MAP4K3: variants seen among roughly 807,000 people sequenced by gnomAD.
MAP4K3 encodes the protein MAPK/ERK kinase kinase kinase 3.
MAP4K3 carries 94 observed loss-of-function variants against 143.5 expected under a neutral mutation model. The ratio of observed to expected loss-of-function variants is 0.65; its 90% CI spans 0.55 to 0.78. The LOEUF (loss-of-function observed/expected upper bound fraction) is 0.78, where lower values mean the gene tolerates loss of function less well. MAP4K3 is among the 30% of genes least tolerant of loss of function. MAP4K3 has a pLI of 0.00. For synonymous variants in MAP4K3, 416 were observed against 347.2 expected (o/e 1.20, Z -2.20); for missense variants, 1,077 against 1,068.1 (o/e 1.01, Z -0.12).
At chr2:39,267,312 G>A in intron 26 of MAP4K3, 65 bp from the exon 27 acceptor site, 1 of 1,231,580 alleles carries the variant, frequency 8.1e-7, no homozygotes, top group Non-Finnish European at 1.2e-6. Flanking sequence ...AAAAGCTACT[G>A]TTATAGATCA....
Position 39,288,106 on chromosome 2 carries a change from A to G in MAP4K3, c.1474+15T>C. On this transcript the variant is annotated intron_variant, in intron 20 of 33. Transcript: ENST00000263881. ...AAAACCTGGTAACATATTTGCTGTC[A>G]CCCTCCACCATTACCTAAGGCAACA... 6.2e-7 allele frequency: 1 copy of G among 1,613,230 alleles called. No individual in the cohort carries two copies. The highest frequency in any genetic ancestry group is 8.5e-7 in the Non-Finnish European group (1 of 1,179,602).
chr2:39,331,679 TAAGGTTTCTGAAAGCCATATCAATCATTA>T (rs1486639608), intron 8 of MAP4K3, among the ~76,000 whole-genome samples: 3 of 152,162 alleles, frequency 2.0e-5, no homozygotes, highest in East Asian at 3.9e-4. Context: ...GAACAAATAT[TAAGGTTTCTGAAAGCCATATCAATCATTA>T]AAGCCTTTTC....
chr2:39,324,733 C>T (rs1683431475), intron 12 of MAP4K3, among the ~76,000 whole-genome samples: 1 of 152,226 alleles, frequency 6.6e-6, no homozygotes, highest in Admixed American at 6.5e-5. Context: ...TAACAGAATT[C>T]TGCCATGTCA....
intron 1 of MAP4K3, among the ~76,000 whole-genome samples, chr2:39,418,407 C>T (rs1385107882): frequency 6.6e-6 from 1 of 152,104 alleles, no homozygotes; most frequent in East Asian, 1.9e-4. Context: ...AGGACAAAGA[C>T]ATAAATCCCT....
intron 1 of MAP4K3, among the ~76,000 whole-genome samples, chr2:39,379,491 C>T (rs910788804): frequency 6.6e-6 from 1 of 152,056 alleles, no homozygotes; most frequent in African/African-American, 2.4e-5. Flanking sequence ...ATACTAGTTC[C>T]TTTCTCTAGG....
intron 33 of MAP4K3, among the ~76,000 whole-genome samples, chr2:39,251,296 T>A (rs1297285463): frequency 1.3e-5 from 2 of 152,178 alleles, no homozygotes; most frequent in Non-Finnish European, 2.9e-5. Flanking sequence ...AAGGTTGGTT[T>A]TAGGACAACA....
intron 21 of MAP4K3, 40 bp downstream of exon 21, chr2:39,286,812 G>T (rs781500114): frequency 2.2e-6 from 3 of 1,339,560 alleles, no homozygotes; most frequent in South Asian, 1.5e-5. Flanking sequence ...AGTTAAAAAG[G>T]AAACAAATAC....
intron 24 of MAP4K3, among the ~76,000 whole-genome samples, chr2:39,277,564 C>A (rs1378311294): frequency 1.3e-5 from 2 of 151,992 alleles, no homozygotes; most frequent in Admixed American, 6.5e-5. Context: ...AGAACATGCT[C>A]CAGAAGGTTT....
chr2:39,341,074 T>C (rs1043827150), intron 4 of MAP4K3, among the ~76,000 whole-genome samples: 5 of 152,074 alleles, frequency 3.3e-5, no homozygotes, highest in African/African-American at 1.2e-4. Flanking sequence ...GGTAAGCCTG[T>C]TAAGTCCCAA....
Position 39,325,766 on chromosome 2 carries a change from AT to A in MAP4K3, c.770del (p.Asn257IlefsTer17), listed in dbSNP as rs1683470460. 6.2e-7 allele frequency: 1 copy of A among 1,609,834 alleles called. No individual in the cohort carries two copies. The highest frequency in any genetic ancestry group is 8.5e-7 in the Non-Finnish European group (1 of 1,178,518). ...HHFVKMALTKNPKKRPTAEKL... is the reference protein window; with the variant it reads ...HHFVKMALTKXPKKRPTAEKL... ...TTTCAGCAGTAGGTCTTTTTTTCGG[AT>A]TTTTGGTAAGTGCCATTTTCACAAA... On this transcript the variant is annotated frameshift_variant, in exon 11 of 34. Coordinates refer to ENST00000263881, the MANE Select transcript of MAP4K3 (RefSeq NM_003618.4). LOFTEE classifies it high-confidence loss of function.
chr2:39,337,000 A>C (rs1428531136), intron 5 of MAP4K3, 33 bp from the exon 6 acceptor site: 1 of 1,131,252 alleles, frequency 8.8e-7, no homozygotes, highest in African/African-American at 1.6e-5. Flanking sequence ...AATAAACAAG[A>C]TTTTATCAAA....
intron 12 of MAP4K3, among the ~76,000 whole-genome samples, chr2:39,320,456 C>G (rs748491731): frequency 2.9e-4 from 44 of 151,888 alleles, no homozygotes; most frequent in Non-Finnish European, 5.0e-4. Context: ...TAATGGAACA[C>G]TAGGCTAAAT....
intron 2 of MAP4K3, among the ~76,000 whole-genome samples, chr2:39,369,193 G>GTTTTTTTGTTTGTTTGTTT (rs747293878): frequency 2.6e-5 from 1 of 37,978 alleles, no homozygotes; most frequent in African/African-American, 5.8e-5. Flanking sequence ...CTTTGGGCTA[G>GTTTTTTTGTTTGTTTGTTT]TTTTTTTTTT....
chr2:39,332,208 ATC>A (rs1296579634), intron 7 of MAP4K3, among the ~76,000 whole-genome samples: 1 of 152,102 alleles, frequency 6.6e-6, no homozygotes, highest in Non-Finnish European at 1.5e-5. Flanking sequence ...ATTCCCATAT[ATC>A]CCCACATAAA....
chr2:39,378,772 C>T (rs1350597541), intron 1 of MAP4K3, among the ~76,000 whole-genome samples: 1 of 151,892 alleles, frequency 6.6e-6, no homozygotes, highest in African/African-American at 2.4e-5. Context: ...TTGTAAGCCA[C>T]ATATTAAAAA....
rs141608332 is a variant in MAP4K3 at position 39,379,383 on chromosome 2, T to A, written c.97-1260A>T. On this transcript the variant is annotated intron_variant, in intron 1 of 33. Coordinates refer to ENST00000263881, the MANE Select transcript of MAP4K3 (RefSeq NM_003618.4). ...CTTCAAACAAAATCCCCATAACTAA[T>A]AAACACTCAAGGCAGTACAAAAGAG... 2.7e-3 allele frequency among the ~76,000 whole-genome samples: 407 copies of A among 152,156 alleles called. 2 individuals are homozygous for A. The highest frequency in any genetic ancestry group is 9.3e-3 in the African/African-American group (386 of 41,538).
intron 31 of MAP4K3, 148 bp from the exon 32 acceptor site, chr2:39,254,668 A>T: frequency 1.7e-6 from 1 of 581,212 alleles, no homozygotes; most frequent in African/African-American, 1.8e-5. Context: ...TACATTTGAA[A>T]AGTTTAAAAA....
At chr2:39,292,938 T>C (rs752736515) in intron 17 of MAP4K3, 112 bp from the exon 18 acceptor site, 1 of 886,622 alleles carries the variant, frequency 1.1e-6, no homozygotes, top group Non-Finnish European at 1.8e-6. Flanking sequence ...TATTTCTGCA[T>C]CTTTATAGGA....
rs756289226 is a variant in MAP4K3 at position 39,260,651 on chromosome 2, C to G, written c.2263G>C (p.Glu755Gln). 3.1e-6 allele frequency: 5 copies of G among 1,614,066 alleles called. No homozygotes were observed. The highest frequency in any genetic ancestry group is 2.5e-6 in the Non-Finnish European group (3 of 1,180,004). Residue 755 changes from glutamate to glutamine, a missense_variant, in exon 29 of 34, where the codon GAG becomes CAG. Coordinates refer to ENST00000263881, the MANE Select transcript of MAP4K3 (RefSeq NM_003618.4). ...GAGGTAGAATTTGGATTGACCGTCT[C>G]AAATCGAACCACTTGGTTGAAGTCT... ...GRDFNQVVRF[E>Q]TVNPNSTSSW...
Sources: allele counts gnomAD v4.1 joint callset (sites outside exome capture counted in the v4.1 genomes callset), GRCh38; gene constraint gnomAD v4.1.1; transcripts MANE v1.5; gene names NCBI Gene and HGNC (gene_info 2026-07-23, HGNC 2026-07-21).